Variants in TIAL1 observed in about 807,000 individuals in gnomAD.
The protein encoded by TIAL1 is nucleolysin TIAR.
A neutral mutation model predicts 59.7 loss-of-function variants in TIAL1; 7 were observed. The observed-to-expected ratio is 0.12, with a 90% CI of 0.07 to 0.22. The LOEUF (loss-of-function observed/expected upper bound fraction) is 0.22, where lower values mean the gene tolerates loss of function less well. Among genes scored for constraint, TIAL1 ranks in the 10% least tolerant of loss-of-function variants. TIAL1 has a pLI of 1.00. For synonymous variants in TIAL1, 149 were observed against 146.3 expected (o/e 1.02, Z -0.13); for missense variants, 225 against 462.5 (o/e 0.49, Z 4.71).
intron 2 of TIAL1, among the ~76,000 whole-genome samples, chr10:119,586,073 C>A (rs1845558670): frequency 6.6e-6 from 1 of 152,184 alleles, no homozygotes; most frequent in Admixed American, 6.5e-5. Flanking sequence ...TTCATGGATT[C>A]AAATACCACT....
At chr10:119,578,658 T>C in intron 7 of TIAL1, 68 bp downstream of exon 7, 2 of 1,308,488 alleles carry the variant, frequency 1.5e-6, no homozygotes, top group South Asian at 2.4e-5. Context: ...AAATTGAGAC[T>C]AGATGAATAC....
At position 119,583,963 on chromosome 10, in the gene TIAL1, G is replaced by C. The variant is rs539565676; in HGVS notation, c.130-1406C>G. ...AGAAAGGACATCAAAATAAATAAGAGGCTAAAATTGTGCTAGTTGAGTTTT... is the reference window on the plus strand; with the variant it reads ...AGAAAGGACATCAAAATAAATAAGACGCTAAAATTGTGCTAGTTGAGTTTT... On this transcript the variant is annotated intron_variant, in intron 2 of 11. Transcript: ENST00000436547. Among the ~76,000 whole-genome samples the C allele has an allele frequency of 3.3e-5, 5 of 152,256 alleles. No individual in the cohort carries two copies. The East Asian group carries it at 9.6e-4, about 29-fold the overall frequency.
chr10:119,578,151 C>A (rs12247834), intron 7 of TIAL1, among the ~76,000 whole-genome samples: 9,047 of 140,782 alleles, frequency 0.064, 316 homozygotes, highest in Middle Eastern at 0.11. Context: ...CTTGAACCTG[C>A]GAGGCGGAGG....
intron 9 of TIAL1, 100 bp from the exon 10 acceptor site, chr10:119,577,303 T>C (rs1358850496): frequency 4.1e-6 from 6 of 1,478,106 alleles, no homozygotes; most frequent in Middle Eastern, 1.8e-4. Context: ...AAGTTGGTAT[T>C]TTTTTTCTAA....
intron 11 of TIAL1, 62 bp downstream of exon 11, chr10:119,576,549 A>C: frequency 6.3e-7 from 1 of 1,575,992 alleles, no homozygotes; most frequent in Non-Finnish European, 8.6e-7. Context: ...CTAGGAAAAC[A>C]CACTTTTATT....
chr10:119,588,349 TTC>T, intron 1 of TIAL1, 101 bp from the exon 2 acceptor site: 12 of 416,816 alleles, frequency 2.9e-5, no homozygotes, highest in South Asian at 5.7e-5. Context: ...CTTTCTTTCT[TTC>T]TTTTTTTTTT....
intron 5 of TIAL1, chr10:119,581,631 A>T (rs970494348): frequency 8.3e-6 from 2 of 240,978 alleles, no homozygotes; most frequent in Non-Finnish European, 1.6e-5. Flanking sequence ...GCTAGACTTT[A>T]TAAGTTTTAC....
intron 7 of TIAL1, among the ~76,000 whole-genome samples, chr10:119,578,405 A>G (rs1564734102): frequency 6.6e-6 from 1 of 152,168 alleles, no homozygotes; most frequent in Non-Finnish European, 1.5e-5. Flanking sequence ...AAATAATTAG[A>G]GTCTTGCAAC....
intron 2 of TIAL1, among the ~76,000 whole-genome samples, chr10:119,587,695 T>C (rs566175177): frequency 2.4e-4 from 37 of 151,364 alleles, no homozygotes; most frequent in African/African-American, 7.5e-4. Flanking sequence ...ACATGACTAA[T>C]TGGGTGCTGC....
In TIAL1 at chr10:119,577,720, C is replaced by T; in HGVS notation, c.573G>A (p.Leu191=). The change falls in exon 8 of 12, where the codon TTG becomes TTA. Residue 191 remains leucine, a synonymous_variant. Transcript: ENST00000436547. The part of the protein sequence containing the change: ...KSTQENNTKQ[L]RFEDVVNQSS... Reference sequence around the variant, plus strand: ...ACTGGTTTACTACATCTTCAAATCTCAACTGCTTAGTGTTGTCTGTATGCA... The same window carrying T: ...ACTGGTTTACTACATCTTCAAATCTTAACTGCTTAGTGTTGTCTGTATGCA... 1 of 1,614,010 alleles carries T rather than the reference C, an allele frequency of 6.2e-7. No homozygotes were observed. The highest frequency in any genetic ancestry group is 1.1e-5 in the South Asian group (1 of 91,078).
rs1010485474 is a variant in TIAL1, at chr10:119,596,695, C to T, written c.-230G>A. The T allele has an allele frequency of 1.7e-6, 1 of 584,062 alleles. No individual in the cohort carries two copies. Among genetic ancestry groups the T allele is most frequent in the Non-Finnish European group, 3.1e-6 (1 of 327,312 alleles). The allele number at this position is 584,062 out of a possible 1,614,324, so 36.2% of individuals were successfully genotyped here. ...AAAATGGCCGCCGCCACCAGCCAGG[C>T]AGGAAACAGGGCAGAGCGCAGGCGC... On this transcript the variant is annotated 5_prime_UTR_variant, in exon 1 of 12. Transcript: ENST00000436547.
At chr10:119,576,800 T>C in intron 10 of TIAL1, 50 bp from the exon 11 acceptor site, 1 of 1,599,558 alleles carries the variant, frequency 6.3e-7, no homozygotes, top group South Asian at 1.1e-5. Flanking sequence ...AAACACCGTA[T>C]ATGAAGAAAG....
Position 119,577,126 on chromosome 10 carries a change from C to T in TIAL1, c.815G>A (p.Cys272Tyr). Residue 272 changes from cysteine to tyrosine, a missense_variant, in exon 10 of 12, where the codon TGC (cysteine) becomes TAC (tyrosine). Physicochemically the swap from Cys to Tyr is radical, Grantham distance 194. Around this residue, in one of 4 missense-constraint regions of TIAL1, gnomAD observed 80 missense variants for 158.8 expected, o/e 0.50. Coordinates refer to ENST00000436547, the MANE Select transcript of TIAL1 (RefSeq NM_003252.4). ...ATCAGGAGATTCTTTACCCCAATAG[C>T]ATTTAACCACATGTCCTTCAATCGT... ...GTTIEGHVVKCYWGKESPDMT... is the reference protein window; with the variant it reads ...GTTIEGHVVKYYWGKESPDMT... 1 of 1,614,014 alleles carries T rather than the reference C, an allele frequency of 6.2e-7. No individual in the cohort carries two copies. Among genetic ancestry groups the T allele is most frequent in the East Asian group, 2.2e-5 (1 of 44,854 alleles).
At chr10:119,592,673 G>A (rs997885573) in intron 1 of TIAL1, among the ~76,000 whole-genome samples, 19 of 151,872 alleles carry the variant, frequency 1.3e-4, no homozygotes, top group Non-Finnish European at 2.5e-4. Context: ...TCAATTTGTC[G>A]GTACAGTATT....
intron 1 of TIAL1, chr10:119,592,130 C>T (rs61874723): frequency 1.3e-5 from 2 of 152,064 alleles, no homozygotes; most frequent in East Asian, 1.9e-4. Context: ...AAAGAACATA[C>T]ACAAAATAAC....
intron 2 of TIAL1, among the ~76,000 whole-genome samples, chr10:119,585,811 T>C (rs1026924158): frequency 2.6e-5 from 4 of 152,194 alleles, no homozygotes; most frequent in Non-Finnish European, 5.9e-5. Context: ...ATGACCTCTC[T>C]GCTGCTTCTG....
rs552067145 is a variant in TIAL1, at chr10:119,596,798, C to G, written c.-333G>C. ...CCGAGGGGAGAGAAAAAAGGGCCGC[C>G]GAGGAAACCCTGGGACCCGCTCACG... On this transcript the variant is annotated 5_prime_UTR_variant, in exon 1 of 12. Coordinates refer to ENST00000436547, the MANE Select transcript of TIAL1 (RefSeq NM_003252.4). 1 of 377,408 alleles carries G rather than the reference C, an allele frequency of 2.6e-6. No homozygotes were observed. The highest frequency in any genetic ancestry group is 2.1e-5 in the African/African-American group (1 of 46,990). 23.4% of individuals were successfully genotyped at this position (377,408 alleles called of 1,614,324 possible). A position where few individuals can be genotyped will look rare whatever the true frequency, so the allele number is the denominator to read the frequency against.
At chr10:119,583,769 G>A (rs986757841) in intron 2 of TIAL1, among the ~76,000 whole-genome samples, 7 of 152,184 alleles carry the variant, frequency 4.6e-5, no homozygotes, top group Admixed American at 2.6e-4. Flanking sequence ...AAGTGGGATC[G>A]TTAATACTGA....
At chr10:119,581,208 TTC>T (rs1845291242) in intron 5 of TIAL1, among the ~76,000 whole-genome samples, 1 of 152,004 alleles carries the variant, frequency 6.6e-6, no homozygotes, top group South Asian at 2.1e-4. Context: ...GATAAACATT[TTC>T]TACAATTCAT....
Sources: gnomAD v4.1 joint callset for allele counts (sites outside exome capture counted in the v4.1 genomes callset) on GRCh38, gnomAD v4.1.1 for gene constraint, gnomAD v4.1.1 regional missense constraint, MANE v1.5 for transcripts, NCBI Gene and HGNC (gene_info 2026-07-23, HGNC 2026-07-21) for gene names.